The following USP9X variants were observed in gnomAD, a reference collection of about 807,000 sequenced individuals.
USP9X encodes the protein ubiquitin specific peptidase 9 X-linked.
USP9X carries 7 observed loss-of-function variants against 190.3 expected under a neutral mutation model. The observed-to-expected ratio is 0.04, with a 90% CI of 0.02 to 0.07. The LOEUF (loss-of-function observed/expected upper bound fraction) is 0.07. Ranked by LOEUF, USP9X falls within the 10% of genes least tolerant of loss-of-function variation. The probability of loss-of-function intolerance (pLI) is 1.00; values close to 1 mark genes in which losing one functional copy is unlikely to be tolerated. For synonymous variants in USP9X, 645 were observed against 659.5 expected, an observed-to-expected ratio of 0.98 and a Z score of 0.34; for missense variants, 1,010 against 1,916.9, an observed-to-expected ratio of 0.53 and a Z score of 8.83.
chrX:41,125,416 T>A (rs1346214699), intron 2 of USP9X, among the ~76,000 whole-genome samples: 1 of 108,679 alleles, frequency 9.2e-6, no homozygotes, highest in Non-Finnish European at 1.9e-5. Flanking sequence ...TTTTTAATTT[T>A]TAGTGTCTTT....
intron 14 of USP9X, among the ~76,000 whole-genome samples, chrX:41,155,873 T>A (rs767144506): frequency 8.9e-6 from 1 of 112,051 alleles, no homozygotes; most frequent in South Asian, 3.7e-4. Context: ...TTCCAGAAAG[T>A]AAGAAAGTGC....
Position 41,197,351 on chromosome X carries a change from C to CCCCCCCCGGGG in USP9X, c.4234-12_4234-11insCCCCCCGGGGC. On this transcript the variant is annotated splice_polypyrimidine_tract_variant and intron_variant, in intron 28 of 44. Transcript: ENST00000378308. The stretch of plus-strand genomic sequence containing the variant: ...TTTCTTCCCCCCCCCACCCCACCCC[C>CCCCCCCCGGGG]CGCCTTTGGCAGGATGATGTTAAAA... 1 of 939,384 alleles carries CCCCCCCCGGGG rather than the reference C, an allele frequency of 1.1e-6. No homozygotes were observed. The highest frequency in any genetic ancestry group is 1.4e-6 in the Non-Finnish European group (1 of 728,818). The allele number at this position is 939,384 out of a possible 1,213,427, so 77.4% of individuals were successfully genotyped here.
At chrX:41,221,067 G>A (rs928140821) in intron 38 of USP9X, among the ~76,000 whole-genome samples, 5 of 110,235 alleles carry the variant, frequency 4.5e-5, no homozygotes, top group Non-Finnish European at 9.5e-5. Context: ...TTCAAGACCA[G>A]CCTGACCAAC....
chrX:41,214,451 G>A, intron 33 of USP9X, 117 bp from the exon 34 acceptor site: 3 of 705,338 alleles, frequency 4.3e-6, no homozygotes, highest in South Asian at 7.5e-5. Flanking sequence ...TTGTGGACAT[G>A]TACCCTAGAA....
rs767155167 is a variant in USP9X, at chrX:41,218,567, A to C, written c.6405A>C (p.Ser2135=). The part of the protein sequence containing the change: ...HFSLQDGPCP[S]PFASPGPSSQ... ...CCTTGCAAGATGGGCCATGTCCTTCACCTTTTGCCTCTCCTGGACCTTCTA... is the reference window on the plus strand; with the variant it reads ...CCTTGCAAGATGGGCCATGTCCTTCCCCTTTTGCCTCTCCTGGACCTTCTA... The change falls in exon 37 of 45, where the codon TCA becomes TCC. Residue 2135 remains serine (S), a synonymous_variant. Transcript: ENST00000378308. 1.7e-6 allele frequency: 2 copies of C among 1,209,375 alleles called. No homozygotes were observed. The highest frequency in any genetic ancestry group is 3.5e-5 in the African/African-American group (2 of 57,035).
chrX:41,232,342 A>G (rs1337547427), intron 44 of USP9X, 45 bp from the exon 45 acceptor site: 1 of 1,173,399 alleles, frequency 8.5e-7, no homozygotes, highest in Admixed American at 2.4e-5. Context: ...AAGTTGTTTT[A>G]CTATGTGAAA....
chrX:41,176,297 G>A (rs1425671145), intron 21 of USP9X, among the ~76,000 whole-genome samples: 1 of 111,190 alleles, frequency 9.0e-6, no homozygotes, highest in Non-Finnish European at 1.9e-5. Flanking sequence ...TCCCAACATA[G>A]GACTACCTTT....
Position 41,136,871 on chromosome X carries a change from T to C in USP9X, c.503T>C (p.Phe168Ser). The C allele has an allele frequency of 8.3e-7, 1 of 1,211,733 alleles. No homozygotes were observed. Among genetic ancestry groups the C allele is most frequent in the Non-Finnish European group, 1.1e-6 (1 of 895,420 alleles). The change falls in exon 6 of 45, where the codon TTT becomes TCT. Residue 168 changes from phenylalanine (F) to serine (S), a missense_variant. This residue lies in a region of USP9X where 176 missense variants were observed against 247.5 expected (regional missense o/e 0.71). Transcript: ENST00000378308. The stretch of plus-strand genomic sequence containing the variant: ...GTGGCCAAGTTGTCCCAAGACTGGT[T>C]TCCACTTTTAGAACTTCTTGCCATG... The part of the protein sequence containing the change: ...LCVAKLSQDW[F>S]PLLELLAMAL...
chrX:41,217,565 A>G (rs2063223723), intron 36 of USP9X, among the ~76,000 whole-genome samples: 1 of 111,477 alleles, frequency 9.0e-6, no homozygotes, highest in South Asian at 3.7e-4. Flanking sequence ...ACCTTGTATC[A>G]TATCTTTGAC....
At chrX:41,166,474 CA>C (rs2062679561) in intron 16 of USP9X, among the ~76,000 whole-genome samples, 2 of 111,391 alleles carry the variant, frequency 1.8e-5, no homozygotes, top group African/African-American at 6.5e-5. Flanking sequence ...ACTAAACATA[CA>C]AATCTTTCAT....
intron 34 of USP9X, among the ~76,000 whole-genome samples, chrX:41,215,634 G>C (rs1033283965): frequency 8.9e-6 from 1 of 112,370 alleles, no homozygotes; most frequent in African/African-American, 3.2e-5. Flanking sequence ...AACCACCTTC[G>C]TGGGAACAAC....
chrX:41,208,424 G>C (rs1216762125), intron 32 of USP9X, among the ~76,000 whole-genome samples: 2 of 111,962 alleles, frequency 1.8e-5, no homozygotes, highest in Non-Finnish European at 3.8e-5. Flanking sequence ...CGCTGTGCTA[G>C]TGGAGCTCGG....
chrX:41,132,709 A>T (rs185943405), intron 4 of USP9X, among the ~76,000 whole-genome samples: 1 of 108,995 alleles, frequency 9.2e-6, no homozygotes, highest in East Asian at 2.8e-4. Context: ...TTGGCCTTCC[A>T]AAGTGCTGGG....
chrX:41,086,991 T>A (rs964999219), intron 1 of USP9X, among the ~76,000 whole-genome samples: 8 of 112,403 alleles, frequency 7.1e-5, no homozygotes, highest in African/African-American at 2.6e-4. Context: ...TGTGGATTTC[T>A]GTAGCGACTA....
chrX:41,106,827 G>A (rs186327748), intron 1 of USP9X, among the ~76,000 whole-genome samples: 1 of 107,519 alleles, frequency 9.3e-6, no homozygotes, highest in Admixed American at 9.9e-5. Flanking sequence ...CACTGCACCC[G>A]GCCCTGAATT....
intron 28 of USP9X, 33 bp from the exon 29 acceptor site, chrX:41,197,331 T>TGGGGGGGGGGGGGGGGGG: frequency 6.2e-6 from 3 of 486,760 alleles, no homozygotes; most frequent in Non-Finnish European, 8.8e-6. Flanking sequence ...TTTGATTTCT[T>TGGGGGGGGGGGGGGGGGG]CCCCCCCCCA....
intron 39 of USP9X, 99 bp from the exon 40 acceptor site, chrX:41,224,643 A>T: frequency 1.2e-6 from 1 of 810,721 alleles, no homozygotes; most frequent in African/African-American, 2.2e-5. Context: ...CTTAAAAAAA[A>T]TAAAAAAAAA....
At chrX:41,157,114 C>T (rs898468745) in intron 14 of USP9X, among the ~76,000 whole-genome samples, 1 of 111,708 alleles carries the variant, frequency 9.0e-6, no homozygotes, top group Non-Finnish European at 1.9e-5. Context: ...AAAGCCTCAC[C>T]AGTACAGTGG....
At chrX:41,102,954 G>A (rs1001580242) in intron 1 of USP9X, among the ~76,000 whole-genome samples, 1 of 111,243 alleles carries the variant, frequency 9.0e-6, no homozygotes, top group African/African-American at 3.3e-5. Flanking sequence ...CACCACGCCC[G>A]GCTAATTGTT....
Sources: allele counts gnomAD v4.1 joint callset (sites outside exome capture counted in the v4.1 genomes callset), GRCh38; gene constraint gnomAD v4.1.1; regional missense constraint gnomAD v4.1.1; transcripts MANE v1.5; gene names NCBI Gene and HGNC (gene_info 2026-07-23, HGNC 2026-07-21).